Variants in ING5 observed in about 807,000 individuals in gnomAD.
ING5 encodes inhibitor of growth family member 5.
In ING5, 17 loss-of-function variants were observed where a neutral mutation model predicts 37.4. That is an observed-to-expected ratio of 0.45 (90% CI 0.31 to 0.68). ING5 has a LOEUF of 0.68. ING5 is among the 30% of genes least tolerant of loss of function. The probability of loss-of-function intolerance (pLI) is 0.05; values close to 1 mark genes in which losing one functional copy is unlikely to be tolerated. For synonymous variants in ING5, 123 were observed against 116.6 expected (o/e 1.06, Z -0.36); for missense variants, 233 against 311.9 (o/e 0.75, Z 1.91).
rs555260657 is a variant in ING5 at position 241,722,486 on chromosome 2, C to T, written c.483-453C>T. 61 of 985,174 alleles carry T rather than the reference C, an allele frequency of 6.2e-5. No homozygotes were observed. The South Asian group carries it at 1.1e-3, about 17-fold the overall frequency. The allele number at this position is 985,174 out of a possible 1,614,324, so 61.0% of individuals were successfully genotyped here. A position where few individuals can be genotyped will look rare whatever the true frequency, so the allele number is the denominator to read the frequency against. ...GCCCCTGCCTGGGCCCGAAGGTGGGCGCGAGGTCTCCACCCCTCTGCTGCC... is the reference window on the plus strand; with the variant it reads ...GCCCCTGCCTGGGCCCGAAGGTGGGTGCGAGGTCTCCACCCCTCTGCTGCC... On this transcript the variant is annotated intron_variant, in intron 5 of 7. Transcript: ENST00000313552.
chr2:241,707,753 C>G (rs1481954568), intron 2 of ING5, among the ~76,000 whole-genome samples: 1 of 152,126 alleles, frequency 6.6e-6, no homozygotes, highest in Non-Finnish European at 1.5e-5. Flanking sequence ...ACCAGGTGAA[C>G]CTCTCTGTTG....
intron 2 of ING5, among the ~76,000 whole-genome samples, chr2:241,708,348 T>C (rs977012167): frequency 5.9e-5 from 9 of 151,824 alleles, no homozygotes; most frequent in Admixed American, 5.3e-4. Flanking sequence ...GCTGGGACTA[T>C]AGGCACCCGC....
chr2:241,706,355 C>G (rs1391019034), intron 2 of ING5, among the ~76,000 whole-genome samples: 3 of 152,080 alleles, frequency 2.0e-5, no homozygotes, highest in South Asian at 2.1e-4. Context: ...CTTGGCCAGG[C>G]ACGGTGGCTC....
chr2:241,711,589 G>T, intron 4 of ING5, 101 bp downstream of exon 4: 1 of 896,344 alleles, frequency 1.1e-6, no homozygotes, highest in Non-Finnish European at 1.7e-6. Context: ...ACTAGGGTAA[G>T]TATCATATTT....
intron 5 of ING5, among the ~76,000 whole-genome samples, chr2:241,716,586 C>G (rs1340447166): frequency 6.6e-6 from 1 of 152,074 alleles, no homozygotes; most frequent in Non-Finnish European, 1.5e-5. Flanking sequence ...TGAGCCACTG[C>G]CCCGGCCCCT....
At chr2:241,698,555 A>C (rs982620784), upstream of ING5, among the ~76,000 whole-genome samples, 1 of 148,260 alleles carries the variant, frequency 6.7e-6, no homozygotes, top group African/African-American at 2.5e-5. Flanking sequence ...GTATATGAGA[A>C]GTCTACTTTC....
chr2:241,710,893 G>A (rs769362360), intron 3 of ING5, among the ~76,000 whole-genome samples: 5 of 152,008 alleles, frequency 3.3e-5, no homozygotes, highest in Non-Finnish European at 5.9e-5. Context: ...GACTACAGGC[G>A]TGAGCCACCG....
At chr2:241,692,062 T>A (rs867633884) in intron 2 of ING5, among the ~76,000 whole-genome samples, 13 of 151,510 alleles carry the variant, frequency 8.6e-5, no homozygotes, top group African/African-American at 3.2e-4. Context: ...TTTAAAAAAA[T>A]ATAAAAAAAG....
intron 1 of ING5, among the ~76,000 whole-genome samples, chr2:241,703,743 C>G (rs767951922): frequency 9.2e-5 from 14 of 152,092 alleles, no homozygotes; most frequent in Admixed American, 2.0e-4. Context: ...GTAGCTGGGA[C>G]TGTAGCTGTG....
chr2:241,717,857 A>G (rs548665389), intron 5 of ING5, among the ~76,000 whole-genome samples: 15 of 152,274 alleles, frequency 9.9e-5, no homozygotes, highest in African/African-American at 3.6e-4. Context: ...GAAAATTTTC[A>G]GACAGTTCTT....
Position 241,709,213 on chromosome 2 carries a change from C to G in ING5, c.110-3C>G, listed in dbSNP as rs1202934969. 4 of 1,607,284 alleles carry G rather than the reference C, an allele frequency of 2.5e-6. No individual in the cohort carries two copies. Among genetic ancestry groups the G allele is most frequent in the African/African-American group, 1.3e-5 (1 of 74,734 alleles). ...GCTAGCTTTTCCCCCATTTCTCCAT[C>G]AGATAAGAAAGCAGAGATTGACATC... On this transcript the variant is annotated splice_region_variant and splice_polypyrimidine_tract_variant and intron_variant, in intron 2 of 7. Coordinates refer to ENST00000313552, the MANE Select transcript of ING5 (RefSeq NM_032329.6).
intron 2 of ING5, among the ~76,000 whole-genome samples, chr2:241,691,703 C>T (rs1477912180): frequency 6.6e-6 from 1 of 152,112 alleles, no homozygotes; most frequent in Non-Finnish European, 1.5e-5. Flanking sequence ...AGAGAATGCT[C>T]TGGTACCTCT....
rs2069534179 is a variant in ING5, at chr2:241,690,505, G to C, written c.-106G>C. 3 of 397,428 alleles carry C rather than the reference G, an allele frequency of 7.5e-6. 1 individual carries two copies. The Admixed American group carries it at 1.3e-4, about 18-fold the overall frequency. The allele number at this position is 397,428 out of a possible 1,614,324, so 24.6% of individuals were successfully genotyped here. A position where few individuals can be genotyped will look rare whatever the true frequency, so the allele number is the denominator to read the frequency against. On this transcript the variant is annotated 5_prime_UTR_variant, in exon 2 of 8. Transcript: ENST00000636051. ...GCCACACCCCAGCCTGCTGACCTCAGCCCTGGCGTGGGCATAGGAGGGTCT... is the reference window on the plus strand; with the variant it reads ...GCCACACCCCAGCCTGCTGACCTCACCCCTGGCGTGGGCATAGGAGGGTCT...
At position 241,725,091 on chromosome 2, in the gene ING5, A is replaced by T. The variant is rs1026399993; in HGVS notation, c.*60A>T. The T allele has an allele frequency of 2.6e-6, 4 of 1,553,412 alleles. No homozygotes were observed. In the African/African-American group the frequency reaches 5.4e-5, roughly 21 times the overall value. Reference sequence around the variant, plus strand: ...AATCTGTCCCTTCATTCGTGTCGCAATATTTCCCTTCCTTTTAAAACTACC... The same window carrying T: ...AATCTGTCCCTTCATTCGTGTCGCATTATTTCCCTTCCTTTTAAAACTACC... On this transcript the variant is annotated 3_prime_UTR_variant, in exon 8 of 8. Transcript: ENST00000313552.
In ING5 at chr2:241,723,447, G is replaced by A. The variant is rs181661535; in HGVS notation, c.680+176G>A. ...GTGTGGCTGGCTGGTGGCTGCTCTG[G>A]GTGTGGCTTTATCCCCCCTTTGCTG... On this transcript the variant is annotated intron_variant, in intron 7 of 7. Coordinates refer to ENST00000313552, the MANE Select transcript of ING5 (RefSeq NM_032329.6). Among the ~76,000 whole-genome samples, 43 of 152,336 alleles carry A rather than the reference G, an allele frequency of 2.8e-4. 1 individual carries two copies. In the East Asian group the frequency reaches 5.6e-3, roughly 20 times the overall value.
intron 2 of ING5, among the ~76,000 whole-genome samples, chr2:241,706,613 G>A (rs1575124691): frequency 9.4e-6 from 1 of 106,934 alleles, no homozygotes; most frequent in African/African-American, 3.5e-5. Context: ...CAACAAGAGC[G>A]AAACTCCATC....
At chr2:241,714,522 C>A (rs1480433351) in intron 5 of ING5, among the ~76,000 whole-genome samples, 1 of 151,152 alleles carries the variant, frequency 6.6e-6, no homozygotes, top group African/African-American at 2.4e-5. Context: ...TATTATGGTT[C>A]TGATGTGTCT....
chr2:241,720,180 G>A, intron 5 of ING5: 1 of 1,234,770 alleles, frequency 8.1e-7, no homozygotes, highest in Non-Finnish European at 1.0e-6. Context: ...GCACTCGGGT[G>A]CCTCCAAGGG....
upstream of ING5, chr2:241,701,893 G>A (rs549401030): frequency 5.7e-4 from 198 of 347,334 alleles, 1 homozygote; most frequent in African/African-American, 3.4e-3. Context: ...ACCTCCGCCC[G>A]GGCCCCGCAG....
Sources: allele counts gnomAD v4.1 joint callset (sites outside exome capture counted in the v4.1 genomes callset), GRCh38; gene constraint gnomAD v4.1.1; transcripts MANE v1.5; gene names NCBI Gene and HGNC (gene_info 2026-07-23, HGNC 2026-07-21).